Variants in BMPER observed in about 807,000 individuals in gnomAD.
BMPER encodes BMP binding endothelial regulator, also known as BMP-binding endothelial regulator protein.
BMPER carries 45 observed loss-of-function variants against 87.3 expected under a neutral mutation model. That is an observed-to-expected ratio of 0.52 (90% CI 0.41 to 0.66). BMPER has a LOEUF of 0.66. Among genes scored for constraint, BMPER ranks in the 30% least tolerant of loss-of-function variants. BMPER has a pLI of 0.00. For synonymous variants in BMPER, 326 were observed against 316.2 expected (o/e 1.03, Z -0.33); for missense variants, 784 against 867.5 (o/e 0.90, Z 1.21).
chr7:34,125,624 G>T (rs539208259), intron 13 of BMPER, among the ~76,000 whole-genome samples: 6 of 152,270 alleles, frequency 3.9e-5, no homozygotes, highest in East Asian at 1.9e-4. Flanking sequence ...TTACCTTACT[G>T]CAGTGCTTCC....
chr7:33,924,163 A>G (rs903397649), intron 2 of BMPER, among the ~76,000 whole-genome samples: 6 of 152,162 alleles, frequency 3.9e-5, no homozygotes, highest in African/African-American at 7.2e-5. Flanking sequence ...CAGGCCATCC[A>G]TCAACCATGG....
intron 3 of BMPER, among the ~76,000 whole-genome samples, chr7:33,956,755 A>T (rs1372316476): frequency 6.6e-6 from 1 of 152,218 alleles, no homozygotes; most frequent in Non-Finnish European, 1.5e-5. Context: ...TCTTTTCTCT[A>T]GCTTACTTTA....
At chr7:34,076,053 C>T (rs961404104) in intron 11 of BMPER, among the ~76,000 whole-genome samples, 4 of 152,158 alleles carry the variant, frequency 2.6e-5, no homozygotes, top group Non-Finnish European at 2.9e-5. Context: ...AAAATCATCC[C>T]GATTTCCAAA....
chr7:33,984,139 C>G (rs1176028545), intron 6 of BMPER, among the ~76,000 whole-genome samples: 1 of 152,004 alleles, frequency 6.6e-6, no homozygotes, highest in Non-Finnish European at 1.5e-5. Flanking sequence ...GCAGAGCCAC[C>G]CTTATTGCCT....
chr7:34,025,971 C>T (rs1787347384), intron 6 of BMPER, among the ~76,000 whole-genome samples: 2 of 152,112 alleles, frequency 1.3e-5, no homozygotes, highest in African/African-American at 2.4e-5. Context: ...GTCTGGAAGC[C>T]GATACCTGTG....
intron 13 of BMPER, among the ~76,000 whole-genome samples, chr7:34,139,714 C>CTT (rs200307822): frequency 6.6e-6 from 1 of 151,982 alleles, no homozygotes; most frequent in African/African-American, 2.4e-5. Flanking sequence ...TTATCCTTCT[C>CTT]TTTTTTTTCA....
chr7:34,153,119 A>C lies in BMPER; in HGVS notation c.1904A>C (p.Tyr635Ser). 6.2e-7 allele frequency: 1 copy of C among 1,613,968 alleles called. No individual in the cohort carries two copies. The highest frequency in any genetic ancestry group is 8.5e-7 in the Non-Finnish European group (1 of 1,179,936). ...ACCCAGTGTAAGCATGGTGCTGTGT[A>C]CGATACCTGTGGTCCGGGATGTATC... is the stretch of plus-strand genomic sequence containing the variant. ...AATQCKHGAV[Y>S]DTCGPGCIKT... The change falls in exon 15 of 15, where the codon TAC (tyrosine) becomes TCC (serine). Residue 635 changes from tyrosine (Y) to serine (S), a missense_variant. Transcript: ENST00000649409.
chr7:34,078,450 C>T (rs2127973615), intron 11 of BMPER, among the ~76,000 whole-genome samples: 1 of 152,270 alleles, frequency 6.6e-6, no homozygotes, highest in Non-Finnish European at 1.5e-5. Flanking sequence ...GAAAATCATG[C>T]TAATGTCTTG....
At chr7:34,025,492 C>T (rs1787334405) in intron 6 of BMPER, among the ~76,000 whole-genome samples, 1 of 152,018 alleles carries the variant, frequency 6.6e-6, no homozygotes, top group South Asian at 2.1e-4. Context: ...GGTATTCACA[C>T]ATCCAGCAAG....
intron 11 of BMPER, among the ~76,000 whole-genome samples, chr7:34,064,084 A>G (rs1788512130): frequency 6.6e-6 from 1 of 152,224 alleles, no homozygotes; most frequent in African/African-American, 2.4e-5. Context: ...TGAGGGCAGG[A>G]GTTTGAGACC....
Position 34,062,038 on chromosome 7 carries a change from T to C in BMPER, c.1069T>C (p.Cys357Arg), listed in dbSNP as rs1228583657. 9 of 1,612,126 alleles carry C rather than the reference T, an allele frequency of 5.6e-6. No homozygotes were observed. The highest frequency in any genetic ancestry group is 7.6e-6 in the Non-Finnish European group (9 of 1,179,126). The part of the protein sequence containing the change: ...ILNRKGCCPI[C>R]TEKPGVCTVF... ...CAACAGAAAAGGATGCTGTCCTATT[T>C]GCACTGAAAGTAAGTTTATTCCTTT... is the stretch of plus-strand genomic sequence containing the variant. The change falls in exon 11 of 15, where the codon TGC (cysteine) becomes CGC (arginine). Residue 357 changes from cysteine to arginine, a missense_variant. Coordinates refer to ENST00000649409, the MANE Select transcript of BMPER (RefSeq NM_001365308.1).
At chr7:34,110,165 T>C (rs116713308) in intron 13 of BMPER, among the ~76,000 whole-genome samples, 1 of 152,138 alleles carries the variant, frequency 6.6e-6, no homozygotes, top group Non-Finnish European at 1.5e-5. Flanking sequence ...GGCTGTGCAC[T>C]GTAGTTTGCA....
At chr7:34,047,282 T>A (rs989939795) in intron 7 of BMPER, among the ~76,000 whole-genome samples, 3 of 151,900 alleles carry the variant, frequency 2.0e-5, no homozygotes, top group Non-Finnish European at 1.5e-5. Context: ...TTTGTTTTTT[T>A]ATTTTTTTAT....
rs985177450 is a variant in BMPER, at chr7:34,153,496, T to C, written c.*223T>C. The C allele has an allele frequency of 1.7e-5, 9 of 531,714 alleles. No homozygotes were observed. The highest frequency in any genetic ancestry group is 2.7e-5 in the Non-Finnish European group (8 of 301,408). 32.9% of individuals were successfully genotyped at this position (531,714 alleles called of 1,614,324 possible). ...TTTTTGCTATAAGACATGTATTGTT[T>C]CTAGGATCCTAACCTGTAAGCCATT... is the stretch of plus-strand genomic sequence containing the variant. On this transcript the variant is annotated 3_prime_UTR_variant, in exon 15 of 15. Transcript: ENST00000649409.
At chr7:34,099,952 C>A (rs993034061) in intron 13 of BMPER, among the ~76,000 whole-genome samples, 1 of 151,862 alleles carries the variant, frequency 6.6e-6, no homozygotes, top group Non-Finnish European at 1.5e-5. Context: ...CTCCTTTTCC[C>A]GGAAAAATGC....
chr7:34,056,005 A>G (rs912569845), intron 9 of BMPER, among the ~76,000 whole-genome samples: 4 of 152,240 alleles, frequency 2.6e-5, no homozygotes, highest in Admixed American at 2.0e-4. Flanking sequence ...CTGTCACCTC[A>G]TGATACCCAT....
chr7:34,034,503 C>T, intron 6 of BMPER, among the ~76,000 whole-genome samples: 1 of 152,172 alleles, frequency 6.6e-6, no homozygotes, highest in Non-Finnish European at 1.5e-5. Flanking sequence ...TGGTTCTCAG[C>T]CTGGCACAGC....
intron 6 of BMPER, among the ~76,000 whole-genome samples, chr7:33,985,669 G>A (rs1476071218): frequency 1.3e-5 from 2 of 150,246 alleles, no homozygotes; most frequent in Non-Finnish European, 3.0e-5. Context: ...TGGAAATCTT[G>A]TTTTCATGGC....
At chr7:34,066,771 G>A (rs1788605272) in intron 11 of BMPER, among the ~76,000 whole-genome samples, 1 of 152,116 alleles carries the variant, frequency 6.6e-6, no homozygotes, top group South Asian at 2.1e-4. Flanking sequence ...TAATACATAG[G>A]GTCAAAGTTG....
Sources: allele counts gnomAD v4.1 joint callset (sites outside exome capture counted in the v4.1 genomes callset), GRCh38; gene constraint gnomAD v4.1.1; transcripts MANE v1.5; gene names NCBI Gene and HGNC (gene_info 2026-07-23, HGNC 2026-07-21).